UROC1: variants seen among roughly 807,000 people sequenced by gnomAD.
The protein encoded by UROC1 is urocanate hydratase.
A neutral mutation model predicts 89.5 loss-of-function variants in UROC1; 79 were observed. The observed-to-expected ratio is 0.88, with a 90% CI of 0.74 to 1.06. The LOEUF (loss-of-function observed/expected upper bound fraction) is 1.06, where lower values mean the gene tolerates loss of function less well. UROC1 is among the 50% of genes least tolerant of loss of function. The pLI, the probability that UROC1 is intolerant of heterozygous loss-of-function variation, is 0.00. For synonymous variants in UROC1, 361 were observed against 354.8 expected (o/e 1.02, Z -0.20); for missense variants, 885 against 907.8 (o/e 0.97, Z 0.32).
chr3:126,501,921 G>C (rs755741576), intron 9 of UROC1: 2 of 1,597,824 alleles, frequency 1.3e-6, no homozygotes, highest in Non-Finnish European at 1.7e-6. Flanking sequence ...CCCAGCCCAG[G>C]GCTTGTTGCA....
chr3:126,510,884 G>A (rs934944881), intron 1 of UROC1, 90 bp from the exon 2 acceptor site: 2 of 1,534,466 alleles, frequency 1.3e-6, no homozygotes, highest in African/African-American at 2.7e-5. Context: ...CTCCCAAATG[G>A]ATTTGTCTCT....
chr3:126,500,649 T>C, intron 11 of UROC1, 46 bp downstream of exon 11: 1 of 1,611,960 alleles, frequency 6.2e-7, no homozygotes, highest in Non-Finnish European at 8.5e-7. Flanking sequence ...GACAAGGTGG[T>C]CTGCCCAGGC....
chr3:126,500,202 T>C (rs1935884822), intron 11 of UROC1, 48 bp from the exon 12 acceptor site: 5 of 1,591,722 alleles, frequency 3.1e-6, no homozygotes, highest in Non-Finnish European at 3.4e-6. Flanking sequence ...CCCTGGGGCC[T>C]CCCCAATGTG....
intron 1 of UROC1, among the ~76,000 whole-genome samples, chr3:126,514,381 G>A (rs1274389177): frequency 6.6e-6 from 1 of 152,194 alleles, no homozygotes; most frequent in Non-Finnish European, 1.5e-5. Flanking sequence ...GGTAGGTACT[G>A]AGGACATTTT....
At chr3:126,512,169 C>T (rs1324694623) in intron 1 of UROC1, among the ~76,000 whole-genome samples, 2 of 152,194 alleles carry the variant, frequency 1.3e-5, no homozygotes, top group African/African-American at 4.8e-5. Flanking sequence ...TCACACAGGT[C>T]GTGTGACCTG....
At chr3:126,507,471 A>C (rs1344964106) in intron 6 of UROC1, among the ~76,000 whole-genome samples, 1 of 152,222 alleles carries the variant, frequency 6.6e-6, no homozygotes, top group Non-Finnish European at 1.5e-5. Flanking sequence ...TATTCACTGT[A>C]AATTCGGTCA....
At chr3:126,508,634 G>A (rs1456794471) in intron 3 of UROC1, among the ~76,000 whole-genome samples, 159 bp from the exon 4 acceptor site, 1 of 152,100 alleles carries the variant, frequency 6.6e-6, no homozygotes, top group Non-Finnish European at 1.5e-5. Flanking sequence ...CAAGAACACC[G>A]GCCCCAGCTG....
intron 9 of UROC1, 178 bp from the exon 10 acceptor site, chr3:126,501,458 T>C: frequency 1.4e-6 from 1 of 739,628 alleles, no homozygotes; most frequent in Non-Finnish European, 2.2e-6. Flanking sequence ...CCGACTTTTG[T>C]CCAGGACACA....
rs62264732 is a variant in UROC1 at position 126,496,100 on chromosome 3, A to G, written c.1447T>C (p.Ser483Pro). 20,035 of 1,613,060 alleles carry G rather than the reference A, an allele frequency of 0.012. 243 individuals carry two copies. The highest frequency in any genetic ancestry group is 0.043 in the South Asian group (3,932 of 90,884). ...TTGTCCATGTACTGCAGCTTCACAG[A>G]CACCTTCACTGCAGGAGAGAGGACA... The part of the protein sequence containing the change: ...EEAIADGVKV[S>P]VKLQYMDNIR... The change falls in exon 15 of 20, where the codon TCT becomes CCT. Residue 483 changes from serine to proline, a missense_variant. Physicochemically the swap from Ser to Pro is moderately conservative, Grantham distance 74. Coordinates refer to ENST00000290868, the MANE Select transcript of UROC1 (RefSeq NM_144639.3).
intron 8 of UROC1, among the ~76,000 whole-genome samples, chr3:126,504,325 C>T (rs993957911): frequency 5.3e-5 from 8 of 152,208 alleles, no homozygotes; most frequent in Admixed American, 1.3e-4. Flanking sequence ...AGATGGTCTA[C>T]GTCCAAGCTA....
chr3:126,488,146 A>G, intron 18 of UROC1, 52 bp downstream of exon 18: 8 of 1,602,238 alleles, frequency 5.0e-6, no homozygotes, highest in Non-Finnish European at 6.8e-6. Flanking sequence ...CCCCAAAGGA[A>G]CCCCCAAAAC....
chr3:126,505,766 C>A lies in UROC1; in HGVS notation c.748G>T (p.Gly250Cys). ...AGKVFVTSGL[G>C]GMSGAQAKAA... ...TTGGCCTGAGCCCCACTCATTCCGC[C>A]GAGCCCAGAGGTGACAAAGACCTTC... is the stretch of plus-strand genomic sequence containing the variant. The change falls in exon 8 of 20, where the codon GGC (glycine) becomes TGC (cysteine). Residue 250 changes from glycine (G) to cysteine (C), a missense_variant. Coordinates refer to ENST00000290868, the MANE Select transcript of UROC1 (RefSeq NM_144639.3). The A allele has an allele frequency of 6.2e-7, 1 of 1,613,940 alleles. No individual in the cohort carries two copies. The highest frequency in any genetic ancestry group is 8.5e-7 in the Non-Finnish European group (1 of 1,180,018).
In UROC1 at chr3:126,492,497, C is replaced by G; in HGVS notation, c.1529G>C (p.Arg510Thr). ...RHRLVVGSQA[R>T]ILYSDQKGRV... is the part of the protein sequence containing the mutation. ...GCCCTTCTGGTCTGAGTACAGGATCCTTGCCTGGGAGCCCACCACCTGAGG... is the reference window on the plus strand; with the variant it reads ...GCCCTTCTGGTCTGAGTACAGGATCGTTGCCTGGGAGCCCACCACCTGAGG... Residue 510 changes from arginine to threonine, a missense_variant, in exon 16 of 20, where the codon AGG becomes ACG. By Grantham distance (71) the Arg-to-Thr change is moderately conservative. Coordinates refer to ENST00000290868, the MANE Select transcript of UROC1 (RefSeq NM_144639.3). 6.2e-7 allele frequency: 1 copy of G among 1,612,768 alleles called. No homozygotes were observed. Among genetic ancestry groups the G allele is most frequent in the Non-Finnish European group, 8.5e-7 (1 of 1,179,918 alleles).
intron 1 of UROC1, among the ~76,000 whole-genome samples, chr3:126,512,167 G>A (rs1936210338): frequency 6.6e-6 from 1 of 152,208 alleles, no homozygotes; most frequent in South Asian, 2.1e-4. Flanking sequence ...GCTCACACAG[G>A]TCGTGTGACC....
chr3:126,495,325 T>C (rs1281000492), intron 15 of UROC1, among the ~76,000 whole-genome samples: 3 of 152,144 alleles, frequency 2.0e-5, no homozygotes, highest in African/African-American at 7.2e-5. Flanking sequence ...CCCCAGCCCC[T>C]GGCACCCACC....
Position 126,498,134 on chromosome 3 carries a change from A to C in UROC1, c.1355T>G (p.Val452Gly). Residue 452 changes from valine to glycine, a missense_variant, in exon 14 of 20, where the codon GTG becomes GGG. Physicochemically the swap from Val to Gly is moderately radical, Grantham distance 109. Coordinates refer to ENST00000290868, the MANE Select transcript of UROC1 (RefSeq NM_144639.3). ...GTCCTGGGGGTCCCCCGATGTGCAC[A>C]CCCAGCGGAAAGGCCCAAATCCCTG... Reference protein sequence around the residue: ...FSQGFGPFRWVCTSGDPQDLA... With the variant: ...FSQGFGPFRWGCTSGDPQDLA... 1 of 1,614,086 alleles carries C rather than the reference A, an allele frequency of 6.2e-7. No homozygotes were observed.
intron 18 of UROC1, 105 bp downstream of exon 18, chr3:126,488,093 G>T: frequency 8.2e-7 from 1 of 1,220,880 alleles, no homozygotes. Flanking sequence ...GAGGTGACCA[G>T]GGAGGTAGGG....
intron 14 of UROC1, among the ~76,000 whole-genome samples, chr3:126,496,925 G>T (rs1935790318): frequency 6.6e-6 from 1 of 152,170 alleles, no homozygotes; most frequent in Non-Finnish European, 1.5e-5. Flanking sequence ...CAGGCCTGGA[G>T]TCTTTACTCC....
intron 10 of UROC1, 88 bp from the exon 11 acceptor site, chr3:126,500,962 T>C (rs1031109168): frequency 6.5e-7 from 1 of 1,549,230 alleles, no homozygotes; most frequent in African/African-American, 1.4e-5. Context: ...CTAGCACATT[T>C]TCCCACCCAC....
Sources: gnomAD v4.1 joint callset for allele counts (sites outside exome capture counted in the v4.1 genomes callset) on GRCh38, gnomAD v4.1.1 for gene constraint, MANE v1.5 for transcripts, NCBI Gene and HGNC (gene_info 2026-07-23, HGNC 2026-07-21) for gene names.